The following MGAT4A variants were observed in gnomAD, a reference collection of about 807,000 sequenced individuals.
The protein encoded by MGAT4A is alpha-1,3-mannosyl-glycoprotein 4-beta-N-acetylglucosaminyltransferase A.
Under a neutral mutation model 74.1 loss-of-function variants are expected in MGAT4A, and 33 were observed. The observed-to-expected ratio is 0.45, with a 90% CI of 0.34 to 0.60. MGAT4A has a LOEUF of 0.60. MGAT4A is among the 20% of genes least tolerant of loss of function. The pLI is 0.02. For synonymous variants in MGAT4A, 198 were observed against 210.4 expected (o/e 0.94, Z 0.51); for missense variants, 479 against 628.3 (o/e 0.76, Z 2.54).
At chr2:98,706,481 C>G (rs1360954392) in intron 2 of MGAT4A, among the ~76,000 whole-genome samples, 2 of 151,920 alleles carry the variant, frequency 1.3e-5, no homozygotes, top group African/African-American at 4.8e-5. Flanking sequence ...AGGCGCCCAC[C>G]ACCATGCCCA....
At chr2:98,687,746 TTTAAACA>T (rs1702147801) in intron 2 of MGAT4A, among the ~76,000 whole-genome samples, 1 of 151,990 alleles carries the variant, frequency 6.6e-6, no homozygotes, top group Non-Finnish European at 1.5e-5. Flanking sequence ...ATGTGAATGG[TTTAAACA>T]GTCCACTCAC....
At chr2:98,663,346 A>C (rs1031867745) in intron 4 of MGAT4A, 167 bp from the exon 5 acceptor site, 19 of 1,531,270 alleles carry the variant, frequency 1.2e-5, no homozygotes, top group Non-Finnish European at 1.7e-5. Flanking sequence ...CATACCTGTA[A>C]TACTGTAATT....
At chr2:98,678,064 C>T (rs568025157) in intron 3 of MGAT4A, among the ~76,000 whole-genome samples, 9 of 150,138 alleles carry the variant, frequency 6.0e-5, no homozygotes, top group African/African-American at 1.7e-4. Flanking sequence ...CCCGTCTCTA[C>T]TAATAATACA....
chr2:98,689,119 T>C (rs921299806), intron 2 of MGAT4A, among the ~76,000 whole-genome samples: 1 of 152,182 alleles, frequency 6.6e-6, no homozygotes, highest in Admixed American at 6.5e-5. Context: ...CATCTTTTAG[T>C]TTTCTTATTG....
In MGAT4A at chr2:98,645,489, A is replaced by C. The variant is rs551412635; in HGVS notation, c.828T>G (p.Phe276Leu). 9.4e-6 allele frequency: 15 copies of C among 1,593,232 alleles called. No individual in the cohort carries two copies. Among genetic ancestry groups the C allele is most frequent in the Non-Finnish European group, 1.3e-5 (15 of 1,175,204 alleles). The change falls in exon 9 of 16, where the codon TTT becomes TTG. Residue 276 changes from phenylalanine (F) to leucine (L), a missense_variant. Physicochemically the swap from Phe to Leu is conservative, Grantham distance 22. Transcript: ENST00000393487. ...KQNYFNTIKNFALQLSSEEWM... is the reference protein window; with the variant it reads ...KQNYFNTIKNLALQLSSEEWM... ...ATTCCTCAGAAGAAAGTTGAAGTGC[A>C]AAATTTTTTATGGTATTAAAATAAT...
At chr2:98,635,181 G>T in intron 14 of MGAT4A, 41 bp downstream of exon 14, 1 of 1,455,004 alleles carries the variant, frequency 6.9e-7, no homozygotes, top group Non-Finnish European at 9.5e-7. Flanking sequence ...TTAGGAGTAA[G>T]TCCAGAAAAA....
At chr2:98,649,660 T>G (rs907679228) in intron 8 of MGAT4A, among the ~76,000 whole-genome samples, 1 of 152,042 alleles carries the variant, frequency 6.6e-6, no homozygotes, top group African/African-American at 2.4e-5. Context: ...AAGGCCACAG[T>G]GCTGCAGAGC....
At chr2:98,700,725 T>C (rs12469616) in intron 2 of MGAT4A, among the ~76,000 whole-genome samples, 40,624 of 151,910 alleles carry the variant, frequency 0.27, 6,356 homozygotes, top group Non-Finnish European at 0.36. Context: ...ACCCCATCTC[T>C]ACTAAAAGTA....
At chr2:98,677,352 C>A (rs1459528964) in intron 3 of MGAT4A, among the ~76,000 whole-genome samples, 2 of 152,214 alleles carry the variant, frequency 1.3e-5, no homozygotes, top group East Asian at 3.8e-4. Context: ...AACACATATA[C>A]ACGAAAAATT....
At chr2:98,662,272 T>A (rs1193422267) in intron 5 of MGAT4A, among the ~76,000 whole-genome samples, 1 of 152,226 alleles carries the variant, frequency 6.6e-6, no homozygotes, top group Non-Finnish European at 1.5e-5. Context: ...TTTCTGTAAA[T>A]CTAAAATTAT....
Position 98,700,603 on chromosome 2 carries a change from C to G in MGAT4A, c.95-22132G>C, listed in dbSNP as rs187712074. On this transcript the variant is annotated intron_variant, in intron 2 of 15. Transcript: ENST00000393487. ...TTAAAATTCATTTAAAAGTCTATTA[C>G]ATGTTGGCTGGGCGCGGTGGCTCAT... Among the ~76,000 whole-genome samples, 14 of 152,126 alleles carry G rather than the reference C, an allele frequency of 9.2e-5. No individual in the cohort carries two copies. In the East Asian group the frequency reaches 2.7e-3, roughly 29 times the overall value.
At chr2:98,691,936 A>C (rs980513255) in intron 2 of MGAT4A, among the ~76,000 whole-genome samples, 4 of 152,236 alleles carry the variant, frequency 2.6e-5, no homozygotes, top group African/African-American at 7.2e-5. Context: ...AAAAAGTAAA[A>C]AAATAATAAA....
intron 6 of MGAT4A, among the ~76,000 whole-genome samples, chr2:98,657,749 T>C (rs988178431): frequency 2.0e-5 from 3 of 152,186 alleles, no homozygotes; most frequent in African/African-American, 7.2e-5. Flanking sequence ...TTACTAAGCT[T>C]TCCCTCTGTT....
In MGAT4A at chr2:98,644,020, A is replaced by G; in HGVS notation, c.923T>C (p.Ile308Thr). ...GTAAAACATGAATATGAATTCTACAATCAGAGTAAGATCCGGCGCTTGAAA... is the reference window on the plus strand; with the variant it reads ...GTAAAACATGAATATGAATTCTACAGTCAGAGTAAGATCCGGCGCTTGAAA... ...KMFQAPDLTL[I>T]VEFIFMFYKE... is the part of the protein sequence containing the mutation. The change falls in exon 10 of 16, where the codon ATT (isoleucine) becomes ACT (threonine). Residue 308 changes from isoleucine to threonine, a missense_variant. Ile to Thr is a moderately conservative substitution (Grantham distance 89). Transcript: ENST00000393487. 1.9e-6 allele frequency: 3 copies of G among 1,604,446 alleles called. No individual in the cohort carries two copies. The highest frequency in any genetic ancestry group is 2.6e-6 in the Non-Finnish European group (3 of 1,173,160).
intron 2 of MGAT4A, among the ~76,000 whole-genome samples, chr2:98,706,654 A>C (rs1702441005): frequency 6.6e-6 from 1 of 151,752 alleles, no homozygotes; most frequent in African/African-American, 2.4e-5. Flanking sequence ...AAAAAAAAAA[A>C]GCTGTAGAAT....
At chr2:98,680,573 T>C (rs1308543401) in intron 2 of MGAT4A, among the ~76,000 whole-genome samples, 1 of 152,168 alleles carries the variant, frequency 6.6e-6, no homozygotes, top group Admixed American at 6.5e-5. Context: ...AACAAAAGCA[T>C]GTATGTCACC....
chr2:98,655,133 T>C (rs1295000911), intron 8 of MGAT4A, among the ~76,000 whole-genome samples: 2 of 152,090 alleles, frequency 1.3e-5, no homozygotes, highest in African/African-American at 4.8e-5. Context: ...TGCCAAATAA[T>C]GACATCTTAG....
In MGAT4A at chr2:98,625,394, A is replaced by C; in HGVS notation, c.*172T>G. 1 of 1,437,194 alleles carries C rather than the reference A, an allele frequency of 7.0e-7. No homozygotes were observed. Among genetic ancestry groups the C allele is most frequent in the South Asian group, 1.5e-5 (1 of 65,546 alleles). The allele number at this position is 1,437,194 out of a possible 1,614,324, so 89.0% of individuals were successfully genotyped here. ...TAAAATCTGAGGACAGCTTAGTTTC[A>C]AACAAATACAATTATTATGGGAGAT... On this transcript the variant is annotated 3_prime_UTR_variant, in exon 16 of 16. Coordinates refer to ENST00000393487, the MANE Select transcript of MGAT4A (RefSeq NM_012214.3).
At chr2:98,625,883 C>T in intron 14 of MGAT4A, 48 bp from the exon 15 acceptor site, 1 of 1,352,288 alleles carries the variant, frequency 7.4e-7, no homozygotes, top group Non-Finnish European at 1.0e-6. Flanking sequence ...GATAAGCAAA[C>T]ATAAAATATC....
Sources: allele counts gnomAD v4.1 joint callset (sites outside exome capture counted in the v4.1 genomes callset), GRCh38; gene constraint gnomAD v4.1.1; transcripts MANE v1.5; gene names NCBI Gene and HGNC (gene_info 2026-07-23, HGNC 2026-07-21).